AKT3: variants seen among roughly 807,000 people sequenced by gnomAD.
AKT3 encodes RAC-gamma serine/threonine-protein kinase.
Under a neutral mutation model 65.3 loss-of-function variants are expected in AKT3, and 15 were observed. That is an observed-to-expected ratio of 0.23 (90% confidence interval 0.15 to 0.35). AKT3 has a LOEUF of 0.35. Ranked by LOEUF, AKT3 falls within the 10% of genes least tolerant of loss-of-function variation. The pLI is 1.00. For synonymous variants in AKT3, 206 were observed against 183.8 expected (o/e 1.12, Z -0.98); for missense variants, 243 against 576.5 (o/e 0.42, Z 5.92).
chr1:243,699,505 ATATATAT>A (rs1685298576), intron 2 of AKT3, among the ~76,000 whole-genome samples: 1 of 87,158 alleles, frequency 1.1e-5, no homozygotes, highest in African/African-American at 4.3e-5. Context: ...ATATATATAT[ATATATAT>A]AATCTTCATG....
In AKT3 at chr1:243,642,561, G is replaced by A. The variant is rs60140171; in HGVS notation, c.429+3332C>T. Among the ~76,000 whole-genome samples, 1,147 of 152,224 alleles carry A rather than the reference G, an allele frequency of 7.5e-3. 9 individuals are homozygous for A. Among genetic ancestry groups the A allele is most frequent in the African/African-American group, 0.02 (814 of 41,528 alleles). On this transcript the variant is annotated intron_variant, in intron 5 of 13. Coordinates refer to ENST00000673466, the MANE Select transcript of AKT3 (RefSeq NM_005465.7). ...CCTGACCTTGTGATCCGCCCACCTT[G>A]GCCTCCCAAAGTGCTGGGATTACAG...
At chr1:243,682,170 G>C (rs986719666) in intron 3 of AKT3, among the ~76,000 whole-genome samples, 1 of 151,768 alleles carries the variant, frequency 6.6e-6, no homozygotes, top group African/African-American at 2.4e-5. Context: ...TAATCTATAC[G>C]TTTAATAAGG....
intron 6 of AKT3, among the ~76,000 whole-genome samples, chr1:243,636,126 C>T (rs532086242): frequency 4.6e-5 from 7 of 151,974 alleles, no homozygotes; most frequent in Non-Finnish European, 7.4e-5. Flanking sequence ...AAAGAAAAAA[C>T]AGAATGGAAT....
At chr1:243,488,523 A>C (rs777684058) in intron 13 of AKT3, 4 of 195,340 alleles carry the variant, frequency 2.0e-5, no homozygotes, top group Non-Finnish European at 4.3e-5. Flanking sequence ...GCAGAATGAC[A>C]AATTTAGGAT....
chr1:243,647,201 T>C (rs1346259773), intron 4 of AKT3, among the ~76,000 whole-genome samples: 1 of 152,228 alleles, frequency 6.6e-6, no homozygotes, highest in Non-Finnish European at 1.5e-5. Context: ...ATGCACCACA[T>C]AACAATGTTT....
intron 2 of AKT3, among the ~76,000 whole-genome samples, chr1:243,696,536 T>C (rs1046530578): frequency 3.3e-5 from 5 of 152,022 alleles, no homozygotes; most frequent in African/African-American, 2.4e-5. Context: ...TAGAAGGCTA[T>C]CTGGTATTGA....
chr1:243,660,123 G>A (rs530513787), intron 4 of AKT3, among the ~76,000 whole-genome samples: 10 of 151,894 alleles, frequency 6.6e-5, no homozygotes, highest in Admixed American at 2.6e-4. Flanking sequence ...ACTCTTTTTC[G>A]TTGGTAAGCT....
chr1:243,768,831 C>CAAAAA (rs1360543117), intron 2 of AKT3, among the ~76,000 whole-genome samples: 1 of 78,160 alleles, frequency 1.3e-5, no homozygotes, highest in African/African-American at 4.5e-5. Context: ...TGATCCGCCA[C>CAAAAA]AAAAAAAAAA....
intron 3 of AKT3, among the ~76,000 whole-genome samples, chr1:243,681,000 ACCTCAAGGC>A (rs1342649756): frequency 6.6e-6 from 1 of 152,048 alleles, no homozygotes; most frequent in Non-Finnish European, 1.5e-5. Flanking sequence ...AAAACCTCTC[ACCTCAAGGC>A]CCTACTGTAA....
At chr1:243,528,629 C>T (rs1348120738) in intron 12 of AKT3, among the ~76,000 whole-genome samples, 1 of 152,198 alleles carries the variant, frequency 6.6e-6, no homozygotes, top group Non-Finnish European at 1.5e-5. Flanking sequence ...CCAGCTCCAT[C>T]CATTTTGCTG....
At chr1:243,529,397 T>C (rs1278353853) in intron 12 of AKT3, among the ~76,000 whole-genome samples, 1 of 152,204 alleles carries the variant, frequency 6.6e-6, no homozygotes, top group Non-Finnish European at 1.5e-5. Flanking sequence ...TCCTAGGTTA[T>C]CTTATATGGC....
intron 13 of AKT3, among the ~76,000 whole-genome samples, chr1:243,511,994 GA>G (rs1670043891): frequency 6.6e-6 from 1 of 152,170 alleles, no homozygotes; most frequent in Non-Finnish European, 1.5e-5. Flanking sequence ...GGAAAGAGGG[GA>G]GTCTCTATTT....
chr1:243,590,327 G>T (rs573443583), intron 8 of AKT3, among the ~76,000 whole-genome samples: 2 of 151,842 alleles, frequency 1.3e-5, no homozygotes, highest in Non-Finnish European at 2.9e-5. Flanking sequence ...ATACATACAC[G>T]TATCAAATCA....
chr1:243,502,036 A>G lies in AKT3; in HGVS notation c.*3213T>C, dbSNP rs1253337431. Reference sequence around the variant, plus strand: ...CTTGCGCAGATCTAATGAAAGAACTAGCAAGGTCAAGAAATGTCACAAACT... The same window carrying G: ...CTTGCGCAGATCTAATGAAAGAACTGGCAAGGTCAAGAAATGTCACAAACT... On this transcript the variant is annotated 3_prime_UTR_variant, in exon 14 of 14. Transcript: ENST00000673466. 8.6e-6 allele frequency: 2 copies of G among 232,614 alleles called. No individual in the cohort carries two copies. The highest frequency in any genetic ancestry group is 1.2e-4 in the East Asian group (2 of 16,436). The allele number at this position is 232,614 out of a possible 1,614,324, so 14.4% of individuals were successfully genotyped here.
intron 4 of AKT3, among the ~76,000 whole-genome samples, chr1:243,650,319 C>T (rs1005421866): frequency 1.1e-4 from 16 of 152,168 alleles, no homozygotes; most frequent in East Asian, 1.9e-4. Context: ...CTTTGTCAGA[C>T]GAATAGATTG....
At chr1:243,495,761 T>A (rs1190410003), downstream of AKT3, among the ~76,000 whole-genome samples, 2 of 152,172 alleles carry the variant, frequency 1.3e-5, no homozygotes, top group African/African-American at 2.4e-5. Flanking sequence ...TGAGGGCACC[T>A]CTCTCCTCAG....
rs527632793 is a variant in AKT3 at position 243,672,171 on chromosome 1, C to T, written c.173-7288G>A. Reference sequence around the variant, plus strand: ...ATGAGGGTTATCCCCTAGCAGGATGCTGATCCTTGACATCTCGTTTCTCCA... The same window carrying T: ...ATGAGGGTTATCCCCTAGCAGGATGTTGATCCTTGACATCTCGTTTCTCCA... On this transcript the variant is annotated intron_variant, in intron 3 of 13. Transcript: ENST00000673466. 3.9e-5 allele frequency among the ~76,000 whole-genome samples: 6 copies of T among 152,300 alleles called. No individual in the cohort carries two copies. In the South Asian group the frequency reaches 1.2e-3, roughly 32 times the overall value.
At chr1:243,783,181 G>A (rs1265405366) in intron 2 of AKT3, among the ~76,000 whole-genome samples, 1 of 147,822 alleles carries the variant, frequency 6.8e-6, no homozygotes, top group Non-Finnish European at 1.5e-5. Context: ...GATCGGTTCA[G>A]GATAATGGCC....
At chr1:243,577,122 T>C (rs533639712) in intron 8 of AKT3, among the ~76,000 whole-genome samples, 133 of 152,030 alleles carry the variant, frequency 8.7e-4, no homozygotes, top group Middle Eastern at 3.2e-3. Flanking sequence ...AAACAAGCAA[T>C]AGGGAAGGAC....
Sources: gnomAD v4.1 joint callset for allele counts (sites outside exome capture counted in the v4.1 genomes callset) on GRCh38, gnomAD v4.1.1 for gene constraint, MANE v1.5 for transcripts, NCBI Gene and HGNC (gene_info 2026-07-23, HGNC 2026-07-21) for gene names.